SHANK2: variants seen among roughly 807,000 people sequenced by gnomAD.
SHANK2 encodes SH3 and multiple ankyrin repeat domains 2.
A neutral mutation model predicts 133.7 loss-of-function variants in SHANK2; 43 were observed. The ratio of observed to expected loss-of-function variants is 0.32; its 90% CI spans 0.25 to 0.41. The LOEUF is 0.41. Among genes scored for constraint, SHANK2 ranks in the 10% least tolerant of loss-of-function variants. The pLI is 1.00. For synonymous variants in SHANK2, 1,017 were observed against 952.8 expected (o/e 1.07, Z -1.24); for missense variants, 1,994 against 2,235.8 (o/e 0.89, Z 2.18).
At chr11:70,674,582 C>T (rs1555016788) in intron 15 of SHANK2, among the ~76,000 whole-genome samples, 1 of 152,232 alleles carries the variant, frequency 6.6e-6, no homozygotes, top group East Asian at 1.9e-4. Context: ...CTCCTGACCT[C>T]AGGTAATTGG....
At position 71,103,908 on chromosome 11, in the gene SHANK2, G is replaced by A. The variant is rs376874955; in HGVS notation, c.592+6033C>T. On this transcript the variant is annotated intron_variant, in intron 6 of 25. Transcript: ENST00000601538. ...TCTCTCTCTCTCCTGCTTTCACCAC[G>A]GGATGCACCTGCTCCTCTCTCTCTC... is the stretch of plus-strand genomic sequence containing the variant. Among the ~76,000 whole-genome samples, 24 of 124,402 alleles carry A rather than the reference G, an allele frequency of 1.9e-4. No homozygotes were observed. In the South Asian group the frequency reaches 6.4e-3, roughly 33 times the overall value. The allele number at this position is 124,402 out of a possible 152,430, so 81.6% of individuals were successfully genotyped here.
chr11:70,935,912 C>T (rs781875580), intron 10 of SHANK2, among the ~76,000 whole-genome samples: 1 of 152,172 alleles, frequency 6.6e-6, no homozygotes, highest in Non-Finnish European at 1.5e-5. Context: ...GGGATTTGGA[C>T]GTGCCCATCA....
Position 70,698,722 on chromosome 11 carries a change from T to A in SHANK2, c.1819A>T (p.Thr607Ser). Residue 607 changes from threonine (T) to serine (S), a missense_variant, in exon 15 of 26, where the codon ACC (threonine) becomes TCC (serine). This residue lies in a region of SHANK2 where 653 missense variants were observed against 563.4 expected (regional missense o/e 1.16). Transcript: ENST00000601538. Reference sequence around the variant, plus strand: ...TCGAAGCTGTCATAGGAGCCCACGGTGTAGTGCCTGAAAAGCTTCTTGCTG... The same window carrying A: ...TCGAAGCTGTCATAGGAGCCCACGGAGTAGTGCCTGAAAAGCTTCTTGCTG... ...DRSKKLFRHY[T>S]VGSYDSFDTS... The A allele has an allele frequency of 1.4e-6, 1 of 718,624 alleles. No individual in the cohort carries two copies. The highest frequency in any genetic ancestry group is 2.0e-5 in the Admixed American group (1 of 50,018). 44.5% of individuals were successfully genotyped at this position (718,624 alleles called of 1,614,324 possible).
At chr11:71,250,791 G>A (rs553424347) in intron 1 of SHANK2, among the ~76,000 whole-genome samples, 2 of 152,272 alleles carry the variant, frequency 1.3e-5, no homozygotes. Flanking sequence ...TTTTCCAGGG[G>A]CGCAGAACTT....
intron 17 of SHANK2, among the ~76,000 whole-genome samples, chr11:70,652,005 G>GTGGC (rs2061344716): frequency 6.6e-6 from 1 of 152,366 alleles, no homozygotes; most frequent in South Asian, 2.1e-4. Flanking sequence ...GCTGTGTGAT[G>GTGGC]TGGCTGAACC....
At chr11:70,861,531 C>T (rs1026881846) in intron 11 of SHANK2, among the ~76,000 whole-genome samples, 15 of 152,174 alleles carry the variant, frequency 9.9e-5, no homozygotes, top group African/African-American at 3.6e-4. Flanking sequence ...CATCAAAAGT[C>T]TTATTTGGTA....
intron 10 of SHANK2, among the ~76,000 whole-genome samples, chr11:70,939,643 C>A (rs1331795397): frequency 6.6e-6 from 1 of 152,124 alleles, no homozygotes; most frequent in African/African-American, 2.4e-5. Context: ...CCTGGGCCCT[C>A]CTGGTCCACC....
intron 17 of SHANK2, among the ~76,000 whole-genome samples, chr11:70,560,566 A>G (rs1405517380): frequency 2.0e-5 from 3 of 147,940 alleles, no homozygotes; most frequent in African/African-American, 5.0e-5. Context: ...TATCTAGAGT[A>G]AGCAAAACAA....
intron 11 of SHANK2, among the ~76,000 whole-genome samples, chr11:70,838,581 T>G (rs909964016): frequency 6.6e-6 from 1 of 152,258 alleles, no homozygotes; most frequent in East Asian, 1.9e-4. Context: ...CTAGGGCCCC[T>G]CTGTGGCTCC....
chr11:70,530,349 A>C (rs2059451427), intron 17 of SHANK2, among the ~76,000 whole-genome samples: 1 of 152,172 alleles, frequency 6.6e-6, no homozygotes, highest in Non-Finnish European at 1.5e-5. Context: ...CAGCCTGGGC[A>C]ACACAGTGAG....
At chr11:71,162,924 T>A (rs1688762572) in intron 2 of SHANK2, among the ~76,000 whole-genome samples, 1 of 151,278 alleles carries the variant, frequency 6.6e-6, no homozygotes, top group South Asian at 2.1e-4. Flanking sequence ...TACAAAAAAA[T>A]TAGCCAGGTG....
chr11:71,097,877 T>G (rs779959500), intron 6 of SHANK2, among the ~76,000 whole-genome samples: 55 of 152,178 alleles, frequency 3.6e-4, no homozygotes, highest in Non-Finnish European at 7.5e-4. Flanking sequence ...TGTGCATGCC[T>G]GTGTGCCTGT....
At chr11:71,085,887 T>A (rs1342159091) in intron 8 of SHANK2, among the ~76,000 whole-genome samples, 31,784 of 32,338 alleles carry the variant, frequency 0.98, 15,619 homozygotes, top group Middle Eastern at 1. Context: ...TTATATAACC[T>A]TAATATATAT....
chr11:71,075,215 T>A lies in SHANK2; in HGVS notation c.973A>T (p.Ser325Cys). Residue 325 changes from serine (S) to cysteine (C), a missense_variant, in exon 9 of 26, where the codon AGT becomes TGT. Ser to Cys is a moderately radical substitution (Grantham distance 112, BLOSUM62 -1). This residue lies in a region of SHANK2 where 653 missense variants were observed against 563.4 expected (regional missense o/e 1.16). Coordinates refer to ENST00000601538, the MANE Select transcript of SHANK2 (RefSeq NM_012309.5). ...GTGTTCCCCGAGGCATTCTGGGCAC[T>A]CATGTCTGCCCCGTAGAACAGCAGG... Reference protein sequence around the residue: ...EHLLFYGADMSAQNASGNTAL... With the variant: ...EHLLFYGADMCAQNASGNTAL... 3.8e-6 allele frequency: 1 copy of A among 261,328 alleles called. No homozygotes were observed. The highest frequency in any genetic ancestry group is 7.1e-5 in the South Asian group (1 of 14,184). 16.2% of individuals were successfully genotyped at this position (261,328 alleles called of 1,614,324 possible).
chr11:70,551,910 A>G (rs1241647276), intron 17 of SHANK2, among the ~76,000 whole-genome samples: 1 of 152,112 alleles, frequency 6.6e-6, no homozygotes, highest in Non-Finnish European at 1.5e-5. Context: ...AGGGCTGGGG[A>G]GCGAGACTCT....
chr11:71,092,041 A>G (rs1437956424), intron 8 of SHANK2, among the ~76,000 whole-genome samples: 1 of 152,084 alleles, frequency 6.6e-6, no homozygotes, highest in Non-Finnish European at 1.5e-5. Flanking sequence ...CTGTGCTCAG[A>G]AAACACCGGT....
At chr11:70,828,262 T>C (rs1555057619) in intron 11 of SHANK2, among the ~76,000 whole-genome samples, 1 of 152,128 alleles carries the variant, frequency 6.6e-6, no homozygotes, top group East Asian at 1.9e-4. Context: ...AGCCTGGGGA[T>C]AGAGCAAGAC....
intron 14 of SHANK2, among the ~76,000 whole-genome samples, chr11:70,750,113 A>G (rs1946723184): frequency 6.6e-6 from 1 of 152,264 alleles, no homozygotes; most frequent in Admixed American, 6.5e-5. Flanking sequence ...AATAAAGAGT[A>G]GCAGGCAATT....
Position 70,471,131 on chromosome 11 carries a change from C to CT in SHANK2, c.*1737dup, listed in dbSNP as rs552058932. The CT allele has an allele frequency of 3.3e-4, 132 of 396,792 alleles. No individual in the cohort carries two copies. The East Asian group carries it at 4.3e-3, about 13-fold the overall frequency. The allele number at this position is 396,792 out of a possible 1,614,324, so 24.6% of individuals were successfully genotyped here. On this transcript the variant is annotated 3_prime_UTR_variant, in exon 26 of 26. Coordinates refer to ENST00000601538, the MANE Select transcript of SHANK2 (RefSeq NM_012309.5). This position sits in a 1 kb window ranked among gnomAD's most constrained non-coding sequence, Gnocchi z 4.1. Reference sequence around the variant, plus strand: ...CAAAGGCTGCCTAGTAGACCAGCCACTTTTTTTTCTTAAAATATTGTGCTT... The same window carrying CT: ...CAAAGGCTGCCTAGTAGACCAGCCACTTTTTTTTTCTTAAAATATTGTGCTT...
Sources: gnomAD v4.1 joint callset for allele counts (sites outside exome capture counted in the v4.1 genomes callset) on GRCh38, gnomAD v4.1.1 for gene constraint, gnomAD v4.1.1 regional missense constraint, Gnocchi (gnomAD v3.1) non-coding constraint, MANE v1.5 for transcripts, NCBI Gene and HGNC (gene_info 2026-07-23, HGNC 2026-07-21) for gene names.